Variants in OTOG observed in about 807,000 individuals in gnomAD.
The protein encoded by OTOG is otogelin.
In OTOG, 296 loss-of-function variants were observed where a neutral mutation model predicts 313.8. That is an observed-to-expected ratio of 0.94 (90% confidence interval 0.86 to 1.04). OTOG has a LOEUF of 1.04. OTOG is among the 50% of genes least tolerant of loss of function. The pLI is 0.00. For missense variants in OTOG, 3,948 were observed against 3,840.1 expected (o/e 1.03, Z -0.74); for synonymous variants, 1,533 against 1,554.9 (o/e 0.99, Z 0.33).
intron 38 of OTOG, among the ~76,000 whole-genome samples, chr11:17,613,251 CTT>C (rs1491456417): frequency 9.3e-4 from 115 of 123,084 alleles, no homozygotes; most frequent in African/African-American, 4.0e-3. Context: ...TTCTTTCTTT[CTT>C]TCTTTCTTTC....
At chr11:17,555,364 A>T (rs1264785297) in intron 6 of OTOG, among the ~76,000 whole-genome samples, 1 of 151,956 alleles carries the variant, frequency 6.6e-6, no homozygotes, top group East Asian at 1.9e-4. Flanking sequence ...GGAGAAATTT[A>T]TGGGGTGTGT....
intron 33 of OTOG, among the ~76,000 whole-genome samples, chr11:17,607,118 C>T (rs527245222): frequency 1.8e-4 from 27 of 152,344 alleles, no homozygotes; most frequent in Non-Finnish European, 2.8e-4. Flanking sequence ...ATATTTGTCT[C>T]GGAAGTGTGC....
chr11:17,574,332 G>C (rs547575101), intron 19 of OTOG, among the ~76,000 whole-genome samples: 1 of 152,142 alleles, frequency 6.6e-6, no homozygotes, highest in Admixed American at 6.5e-5. Flanking sequence ...GTGTGTGTGT[G>C]TCCACACACT....
In OTOG at chr11:17,555,722, C is replaced by T. The variant is rs1852042655; in HGVS notation, c.541-57C>T. ...AGTGAAAACTCAATAAGGTGTGAAG[C>T]TCAGGGTCAGGCCTGTGGCAGGAGC... On this transcript the variant is annotated intron_variant, in intron 6 of 55. Transcript: ENST00000399397. 6.4e-6 allele frequency: 9 copies of T among 1,396,698 alleles called. No homozygotes were observed. The South Asian group carries it at 7.5e-5, about 12-fold the overall frequency. The allele number at this position is 1,396,698 out of a possible 1,614,324, so 86.5% of individuals were successfully genotyped here. A position where few individuals can be genotyped will look rare whatever the true frequency, so the allele number is the denominator to read the frequency against.
chr11:17,571,147 A>C (rs1852395665), intron 17 of OTOG, among the ~76,000 whole-genome samples: 1 of 152,234 alleles, frequency 6.6e-6, no homozygotes, highest in South Asian at 2.1e-4. Context: ...AAGAACAAGA[A>C]CAAAATAAAG....
intron 39 of OTOG, 21 bp downstream of exon 39, chr11:17,613,722 G>T (rs1425073370): frequency 6.5e-7 from 1 of 1,545,852 alleles, no homozygotes; most frequent in South Asian, 1.2e-5. Flanking sequence ...CAAACAGCCA[G>T]CCTCCAGGGC....
intron 3 of OTOG, among the ~76,000 whole-genome samples, chr11:17,549,100 T>A (rs1191061495): frequency 6.6e-6 from 1 of 152,202 alleles, no homozygotes; most frequent in Non-Finnish European, 1.5e-5. Context: ...TTTTGTTTTC[T>A]CCCTTTGCCA....
At chr11:17,638,367 C>T in intron 47 of OTOG, 84 bp from the exon 48 acceptor site, 4 of 1,184,560 alleles carry the variant, frequency 3.4e-6, no homozygotes, top group Middle Eastern at 1.9e-4. Flanking sequence ...GGGGTAGCCT[C>T]TCTTTAGCCA....
chr11:17,564,958 C>G (rs1156478734), intron 15 of OTOG, among the ~76,000 whole-genome samples: 1 of 152,070 alleles, frequency 6.6e-6, no homozygotes, highest in African/African-American at 2.4e-5. Flanking sequence ...TTAAAGTAGA[C>G]TTTATGTTTT....
At chr11:17,559,233 G>A (rs763673140) in intron 11 of OTOG, 72 bp downstream of exon 11, 59 of 1,147,186 alleles carry the variant, frequency 5.1e-5, no homozygotes, top group Non-Finnish European at 6.8e-5. Flanking sequence ...TCAGCTCAAT[G>A]TCTTGTCCTG....
intron 5 of OTOG, 33 bp downstream of exon 5, chr11:17,553,244 G>T (rs1330239422): frequency 2.6e-6 from 4 of 1,545,160 alleles, no homozygotes; most frequent in Non-Finnish European, 3.5e-6. Context: ...CCCCAGGAAG[G>T]GACCTGGGTG....
At position 17,613,660 on chromosome 11, in the gene OTOG, C is replaced by T; in HGVS notation, c.6487C>T (p.His2163Tyr). ...PFCLVMLNMT[H>Y]LAHQVTIDRF... Reference sequence around the variant, plus strand: ...CTGTCTGGTGATGTTGAACATGACTCACTTGGCCCATCAGGTCACTATTGA... The same window carrying T: ...CTGTCTGGTGATGTTGAACATGACTTACTTGGCCCATCAGGTCACTATTGA... The change falls in exon 39 of 56, where the codon CAC becomes TAC. Residue 2163 changes from histidine to tyrosine, a missense_variant. Transcript: ENST00000399397. 1.3e-6 allele frequency: 2 copies of T among 1,550,794 alleles called. No individual in the cohort carries two copies. The highest frequency in any genetic ancestry group is 1.4e-5 in the African/African-American group (1 of 73,128).
In OTOG at chr11:17,642,190, G is replaced by A. The variant is rs1210145910; in HGVS notation, c.8359G>A (p.Val2787Met). 5.7e-5 allele frequency: 88 copies of A among 1,550,232 alleles called. No homozygotes were observed. Among genetic ancestry groups the A allele is most frequent in the Non-Finnish European group, 7.2e-5 (83 of 1,146,854 alleles). Reference protein sequence around the residue: ...HHCSSTPLGAVLVRSPISCPP... With the variant: ...HHCSSTPLGAMLVRSPISCPP... The stretch of plus-strand genomic sequence containing the variant: ...CTGCAGCAGCACGCCCCTGGGTGCC[G>A]TGCTGGTCCGCTCTCCCATAAGCTG... Residue 2787 changes from valine to methionine, a missense_variant, in exon 53 of 56, where the codon GTG (valine) becomes ATG (methionine). Physicochemically the swap from Val to Met is conservative, Grantham distance 21 (BLOSUM62 1). Transcript: ENST00000399397.
Position 17,596,026 on chromosome 11 carries a change from T to C in OTOG, c.3409-12T>C. On this transcript the variant is annotated splice_polypyrimidine_tract_variant and intron_variant, in intron 28 of 55. Transcript: ENST00000399397. ...AAGTAGGGAGGTCAACAGCCCTGCC[T>C]TTGCCCCTCAGTGCCCAGACACCCT... is the stretch of plus-strand genomic sequence containing the variant. The C allele has an allele frequency of 6.5e-7, 1 of 1,541,692 alleles. No individual in the cohort carries two copies. Among genetic ancestry groups the C allele is most frequent in the South Asian group, 1.2e-5 (1 of 83,872 alleles).
chr11:17,602,141 G>C, intron 31 of OTOG, 69 bp from the exon 32 acceptor site: 1 of 1,513,668 alleles, frequency 6.6e-7, no homozygotes, highest in Non-Finnish European at 8.9e-7. Flanking sequence ...CTGCCAAGGG[G>C]TGGGGCAGGA....
At chr11:17,590,710 C>T (rs747412038) in intron 24 of OTOG, among the ~76,000 whole-genome samples, 23 of 152,210 alleles carry the variant, frequency 1.5e-4, no homozygotes, top group Non-Finnish European at 2.5e-4. Flanking sequence ...GACCGTCCGT[C>T]GCCCCTCTGA....
chr11:17,624,952 C>A (rs934301834), intron 39 of OTOG, among the ~76,000 whole-genome samples: 8 of 152,104 alleles, frequency 5.3e-5, no homozygotes, highest in African/African-American at 1.4e-4. Context: ...ATTTGGCTCT[C>A]GGCTTAGCTA....
At chr11:17,632,578 G>A (rs1438898589) in intron 42 of OTOG, among the ~76,000 whole-genome samples, 1 of 152,090 alleles carries the variant, frequency 6.6e-6, no homozygotes, top group Non-Finnish European at 1.5e-5. Flanking sequence ...AGGATGTGGG[G>A]GAATGTGTTC....
intron 23 of OTOG, among the ~76,000 whole-genome samples, chr11:17,586,066 A>G (rs1852786749): frequency 6.6e-6 from 1 of 152,174 alleles, no homozygotes; most frequent in Non-Finnish European, 1.5e-5. Context: ...AGACTAGAAG[A>G]CAGCAGCACT....
Sources: allele counts gnomAD v4.1 joint callset (sites outside exome capture counted in the v4.1 genomes callset), GRCh38; gene constraint gnomAD v4.1.1; transcripts MANE v1.5; gene names NCBI Gene and HGNC (gene_info 2026-07-23, HGNC 2026-07-21).